The following MTHFS variants were observed in gnomAD, a reference collection of about 807,000 sequenced individuals.
The protein encoded by MTHFS is methenyltetrahydrofolate synthetase.
A neutral mutation model predicts 12.7 loss-of-function variants in MTHFS; 7 were observed. That is an observed-to-expected ratio of 0.55 (90% CI 0.31 to 1.03). The LOEUF (loss-of-function observed/expected upper bound fraction) is 1.03, where lower values mean the gene tolerates loss of function less well. Ranked by LOEUF, MTHFS falls within the 50% of genes least tolerant of loss-of-function variation. The pLI, the probability that MTHFS is intolerant of heterozygous loss-of-function variation, is 0.05. For synonymous variants in MTHFS, 100 were observed against 97.1 expected (o/e 1.03, Z -0.18); for missense variants, 252 against 258.1 (o/e 0.98, Z 0.16).
At chr15:79,860,832 A>G (rs1162961198) in intron 2 of MTHFS, among the ~76,000 whole-genome samples, 5 of 152,330 alleles carry the variant, frequency 3.3e-5, no homozygotes, top group Admixed American at 1.3e-4. Flanking sequence ...GTTACAGTGT[A>G]CTTTCTTGAG....
At chr15:79,885,961 C>T (rs779851128) in intron 2 of MTHFS, among the ~76,000 whole-genome samples, 5 of 152,230 alleles carry the variant, frequency 3.3e-5, no homozygotes, top group African/African-American at 9.6e-5. Flanking sequence ...AGACTATATA[C>T]TTGCATTGGA....
At chr15:79,886,254 A>G (rs899035799) in intron 2 of MTHFS, among the ~76,000 whole-genome samples, 1 of 152,152 alleles carries the variant, frequency 6.6e-6, no homozygotes, top group African/African-American at 2.4e-5. Flanking sequence ...TGTCCCAAAC[A>G]CTGTAAAGCT....
chr15:79,894,977 C>G (rs767043214), intron 1 of MTHFS, among the ~76,000 whole-genome samples: 12 of 152,148 alleles, frequency 7.9e-5, no homozygotes, highest in Non-Finnish European at 1.0e-4. Context: ...AACCCATTAT[C>G]CAAATGCTGC....
Position 79,844,743 on chromosome 15 carries a change from T to G in MTHFS, c.*467A>C, listed in dbSNP as rs1408993439. Among the ~76,000 whole-genome samples the G allele has an allele frequency of 6.6e-6, 1 of 152,168 alleles. No homozygotes were observed. On this transcript the variant is annotated 3_prime_UTR_variant, in exon 3 of 3. Coordinates refer to ENST00000258874, the MANE Select transcript of MTHFS (RefSeq NM_006441.4). ...TAAAGGAAGTCATGATGAAGTGAGATAATATTCTTAGGGAATTCTGTATCC... is the reference window on the plus strand; with the variant it reads ...TAAAGGAAGTCATGATGAAGTGAGAGAATATTCTTAGGGAATTCTGTATCC...
intron 2 of MTHFS, among the ~76,000 whole-genome samples, chr15:79,855,953 T>C (rs1288125020): frequency 6.6e-6 from 1 of 152,224 alleles, no homozygotes; most frequent in African/African-American, 2.4e-5. Context: ...GTCTTTGCTA[T>C]TATGAATAGT....
intron 1 of MTHFS, 130 bp downstream of exon 1, chr15:79,896,742 T>A: frequency 1.9e-6 from 2 of 1,056,312 alleles, no homozygotes; most frequent in Non-Finnish European, 2.5e-6. Context: ...AGGGGAAACG[T>A]GCGCGCGCCG....
chr15:79,874,697 G>A (rs567761187), intron 2 of MTHFS, among the ~76,000 whole-genome samples: 1 of 152,262 alleles, frequency 6.6e-6, no homozygotes, highest in South Asian at 2.1e-4. Flanking sequence ...AAGATGTCCT[G>A]AGGAGCCTTT....
At chr15:79,858,935 TA>T (rs1482491821) in intron 2 of MTHFS, among the ~76,000 whole-genome samples, 1 of 152,170 alleles carries the variant, frequency 6.6e-6, no homozygotes, top group Admixed American at 6.5e-5. Context: ...ATAACCAGCT[TA>T]ACAACACAAT....
chr15:79,893,570 C>T (rs1181396331), intron 1 of MTHFS, among the ~76,000 whole-genome samples: 3 of 151,600 alleles, frequency 2.0e-5, no homozygotes, highest in Non-Finnish European at 2.9e-5. Flanking sequence ...TGGTGGCGGG[C>T]GCCTGTAGTC....
intron 1 of MTHFS, among the ~76,000 whole-genome samples, chr15:79,894,326 A>G (rs967366253): frequency 2.8e-4 from 43 of 152,324 alleles, no homozygotes; most frequent in Non-Finnish European, 4.0e-4. Context: ...GGTTGCAGTG[A>G]GCCGAGATCA....
At chr15:79,897,190 C>T, upstream of MTHFS, 1 of 481,540 alleles carries the variant, frequency 2.1e-6, no homozygotes, top group South Asian at 4.5e-5. Flanking sequence ...ACCCAGCCCT[C>T]GTGCGGTCCC....
At chr15:79,846,913 A>C (rs567703695) in intron 2 of MTHFS, among the ~76,000 whole-genome samples, 3 of 152,360 alleles carry the variant, frequency 2.0e-5, no homozygotes, top group South Asian at 2.1e-4. Context: ...ACAGTATGGC[A>C]AGGTGCTCTG....
At chr15:79,861,542 G>A (rs1297442756) in intron 2 of MTHFS, among the ~76,000 whole-genome samples, 3 of 152,182 alleles carry the variant, frequency 2.0e-5, no homozygotes, top group Non-Finnish European at 2.9e-5. Flanking sequence ...AAGCAATACA[G>A]AAACACCTAT....
At chr15:79,897,255 G>A (rs1258802112), upstream of MTHFS, 15 of 456,132 alleles carry the variant, frequency 3.3e-5, no homozygotes, top group Non-Finnish European at 3.1e-5. Flanking sequence ...CGCCGTCGCT[G>A]CCCTGCCGCC....
intron 2 of MTHFS, among the ~76,000 whole-genome samples, chr15:79,859,119 C>T (rs2141348788): frequency 6.6e-6 from 1 of 152,344 alleles, no homozygotes; most frequent in South Asian, 2.1e-4. Context: ...CTGAAGAAGA[C>T]TGAATATTGC....
At chr15:79,880,151 GCT>G (rs2034272064) in intron 2 of MTHFS, among the ~76,000 whole-genome samples, 1 of 147,874 alleles carries the variant, frequency 6.8e-6, no homozygotes, top group Non-Finnish European at 1.5e-5. Flanking sequence ...CTCACTGCAA[GCT>G]CTGCCTCCTG....
chr15:79,892,388 T>A (rs1487330288), intron 1 of MTHFS, among the ~76,000 whole-genome samples: 1 of 152,024 alleles, frequency 6.6e-6, no homozygotes, highest in Non-Finnish European at 1.5e-5. Flanking sequence ...AATCTATTGA[T>A]AAGATAAACA....
At chr15:79,846,858 T>C (rs1333102115) in intron 2 of MTHFS, among the ~76,000 whole-genome samples, 1 of 152,226 alleles carries the variant, frequency 6.6e-6, no homozygotes, top group Non-Finnish European at 1.5e-5. Context: ...CTTCTATACC[T>C]AGAACACACA....
At position 79,896,899 on chromosome 15, in the gene MTHFS, T is replaced by G; in HGVS notation, c.90A>C (p.Leu30=). Residue 30 remains leucine, a synonymous_variant, in exon 1 of 3, where the codon CTA becomes CTC. Coordinates refer to ENST00000258874, the MANE Select transcript of MTHFS (RefSeq NM_006441.4). ...TCTGGCTCAGTACGCGGGACTGGCG[T>G]AGCCGCTCCTCGGCACTCATCGCCC... The part of the protein sequence containing the change: ...RLRAMSAEER[L]RQSRVLSQKV... The G allele has an allele frequency of 6.5e-7, 1 of 1,542,866 alleles. No homozygotes were observed. Among genetic ancestry groups the G allele is most frequent in the Middle Eastern group, 1.7e-4 (1 of 5,862 alleles).
Sources: allele counts gnomAD v4.1 joint callset (sites outside exome capture counted in the v4.1 genomes callset), GRCh38; gene constraint gnomAD v4.1.1; transcripts MANE v1.5; gene names NCBI Gene and HGNC (gene_info 2026-07-23, HGNC 2026-07-21).